Variants in ADAP2 observed in about 807,000 individuals in gnomAD.
ADAP2 encodes the protein ArfGAP with dual PH domains 2.
Under a neutral mutation model 54.9 loss-of-function variants are expected in ADAP2, and 42 were observed. That is an observed-to-expected ratio of 0.77 (90% CI 0.60 to 0.99). The LOEUF (loss-of-function observed/expected upper bound fraction) is 0.99. Among genes scored for constraint, ADAP2 ranks in the 50% least tolerant of loss-of-function variants. ADAP2 has a pLI of 0.00. For missense variants in ADAP2, 429 were observed against 480.4 expected (o/e 0.89, Z 1.00); for synonymous variants, 177 against 180.1 (o/e 0.98, Z 0.14).
intron 6 of ADAP2, among the ~76,000 whole-genome samples, chr17:30,947,942 C>G (rs1389238357): frequency 1.3e-5 from 2 of 152,152 alleles, no homozygotes; most frequent in African/African-American, 4.8e-5. Flanking sequence ...GGCAGGATCA[C>G]AGCAGTAAAT....
rs1905263064 is a variant in ADAP2 at position 30,958,923 on chromosome 17, T to C, written c.*1054T>C. 1 of 152,086 alleles carries C rather than the reference T, an allele frequency of 6.6e-6. No homozygotes were observed. The highest frequency in any genetic ancestry group is 6.6e-5 in the Admixed American group (1 of 15,254). The allele number at this position is 152,086 out of a possible 1,614,324, so 9.4% of individuals were successfully genotyped here. A position where few individuals can be genotyped will look rare whatever the true frequency, so the allele number is the denominator to read the frequency against. On this transcript the variant is annotated 3_prime_UTR_variant, in exon 11 of 11. Coordinates refer to ENST00000330889, the MANE Select transcript of ADAP2 (RefSeq NM_018404.3). ...AAAATCTATGCATTGTATGGGACTT[T>C]CCTTTGGATCCCCCAATCAAAGGAT...
Position 30,926,722 on chromosome 17 carries a change from T to C in ADAP2, c.226-105T>C. 4.1e-6 allele frequency: 4 copies of C among 977,386 alleles called. No individual in the cohort carries two copies. In the South Asian group the frequency reaches 5.6e-5, roughly 14 times the overall value. The allele number at this position is 977,386 out of a possible 1,614,324, so 60.5% of individuals were successfully genotyped here. On this transcript the variant is annotated intron_variant, in intron 2 of 10. Transcript: ENST00000330889. ...GACCAAGCCCGGTGGGACATCTCCT[T>C]CTTGGAGGCAGTTTCTTCTGACTCA...
chr17:30,948,020 C>A (rs1034902608), intron 6 of ADAP2, among the ~76,000 whole-genome samples: 4 of 152,130 alleles, frequency 2.6e-5, no homozygotes, highest in Admixed American at 6.6e-5. Flanking sequence ...TTGGGCTGAG[C>A]AAGCACCAAA....
chr17:30,929,113 C>T (rs531939799), intron 3 of ADAP2, among the ~76,000 whole-genome samples: 18 of 152,146 alleles, frequency 1.2e-4, no homozygotes, highest in Non-Finnish European at 2.6e-4. Flanking sequence ...ACTTGGAAGA[C>T]CTCAGTTTTG....
chr17:30,942,411 G>A (rs565524928), intron 5 of ADAP2, among the ~76,000 whole-genome samples: 93 of 152,260 alleles, frequency 6.1e-4, no homozygotes, highest in African/African-American at 2.2e-3. Flanking sequence ...AATCACTGTT[G>A]AGCCATTCAG....
rs764999299 is a variant in ADAP2, at chr17:30,931,855, CA to C, written c.318-31del. On this transcript the variant is annotated intron_variant, in intron 3 of 10. Coordinates refer to ENST00000330889, the MANE Select transcript of ADAP2 (RefSeq NM_018404.3). ...AAAAAAAAAAAAAAAGAGAATGCAT[CA>C]AACGCAGCTGACCTCAGGCTCTCTC... is the stretch of plus-strand genomic sequence containing the variant. 3 of 1,446,034 alleles carry C rather than the reference CA, an allele frequency of 2.1e-6. No homozygotes were observed. The East Asian group carries it at 6.9e-5, about 33-fold the overall frequency. 89.6% of individuals were successfully genotyped at this position (1,446,034 alleles called of 1,614,324 possible).
In ADAP2 at chr17:30,959,206, C is replaced by T. The variant is rs1179834598; in HGVS notation, c.*1337C>T. 1 of 152,030 alleles carries T rather than the reference C, an allele frequency of 6.6e-6. No individual in the cohort carries two copies. Among genetic ancestry groups the T allele is most frequent in the Non-Finnish European group, 1.5e-5 (1 of 68,036 alleles). 9.4% of individuals were successfully genotyped at this position (152,030 alleles called of 1,614,324 possible). ...GTCTTGCCTTCAAGGAACTTATGGT[C>T]TAGAGGAGAAGAACGAGAAGTATAG... On this transcript the variant is annotated 3_prime_UTR_variant, in exon 11 of 11. Coordinates refer to ENST00000330889, the MANE Select transcript of ADAP2 (RefSeq NM_018404.3).
chr17:30,942,473 A>G (rs141036866), intron 5 of ADAP2, among the ~76,000 whole-genome samples: 1 of 152,324 alleles, frequency 6.6e-6, no homozygotes, highest in Non-Finnish European at 1.5e-5. Flanking sequence ...ACTGTGATCC[A>G]GCAATTCCAT....
At chr17:30,937,760 G>A (rs1911993587) in intron 5 of ADAP2, among the ~76,000 whole-genome samples, 2 of 152,198 alleles carry the variant, frequency 1.3e-5, no homozygotes, top group South Asian at 4.1e-4. Flanking sequence ...AGGAATCAAG[G>A]ATGATTCCCA....
At position 30,922,839 on chromosome 17, in the gene ADAP2, G is replaced by A. The variant is rs1056533588; in HGVS notation, c.95-101G>A. On this transcript the variant is annotated intron_variant, in intron 1 of 10. Coordinates refer to ENST00000330889, the MANE Select transcript of ADAP2 (RefSeq NM_018404.3). The stretch of plus-strand genomic sequence containing the variant: ...AGGCTGGCCGCTTAGTTCGCCTTAG[G>A]TGGGAGAAGGGGCGCCCCACCTGCC... 3 of 1,378,312 alleles carry A rather than the reference G, an allele frequency of 2.2e-6. No individual in the cohort carries two copies. In the Admixed American group the frequency reaches 6.1e-5, roughly 28 times the overall value. 85.4% of individuals were successfully genotyped at this position (1,378,312 alleles called of 1,614,324 possible). A position where few individuals can be genotyped will look rare whatever the true frequency, so the allele number is the denominator to read the frequency against.
rs948160787 is a variant in ADAP2, at chr17:30,923,127, G to A, written c.225+57G>A. The A allele has an allele frequency of 1.1e-5, 17 of 1,596,388 alleles. No individual in the cohort carries two copies. In the African/African-American group the frequency reaches 2.1e-4, roughly 20 times the overall value. ...ACTGCGGGACTGGAGTAGAGGCAGC[G>A]GGCAGGGGGCTCCCATTCTACAGAG... On this transcript the variant is annotated intron_variant, in intron 2 of 10. Transcript: ENST00000330889.
At chr17:30,947,648 T>G (rs1346638508) in intron 6 of ADAP2, among the ~76,000 whole-genome samples, 1 of 152,162 alleles carries the variant, frequency 6.6e-6, no homozygotes, top group Admixed American at 6.6e-5. Context: ...CCACTGCACC[T>G]GGCCAGAGGG....
At chr17:30,932,323 C>T (rs1045501449) in intron 4 of ADAP2, among the ~76,000 whole-genome samples, 7 of 151,230 alleles carry the variant, frequency 4.6e-5, no homozygotes, top group Non-Finnish European at 1.0e-4. Context: ...GCTTCAATCT[C>T]CCGGGCTCAC....
At chr17:30,929,362 G>A (rs1911310455) in intron 3 of ADAP2, among the ~76,000 whole-genome samples, 1 of 152,174 alleles carries the variant, frequency 6.6e-6, no homozygotes, top group South Asian at 2.1e-4. Context: ...TGTGGGGTGT[G>A]CTGACTCGAG....
intron 5 of ADAP2, among the ~76,000 whole-genome samples, chr17:30,941,657 A>G (rs1912281047): frequency 6.6e-6 from 1 of 152,154 alleles, no homozygotes; most frequent in Non-Finnish European, 1.5e-5. Context: ...TTTTCATACT[A>G]TGTGTTTTCC....
At chr17:30,937,654 G>A (rs182796150) in intron 5 of ADAP2, among the ~76,000 whole-genome samples, 38 of 152,300 alleles carry the variant, frequency 2.5e-4, no homozygotes, top group Non-Finnish European at 1.8e-4. Flanking sequence ...TGGTGGATCC[G>A]ACCAGGATGG....
chr17:30,956,387 C>A lies in ADAP2; in HGVS notation c.1029C>A (p.Cys343Ter). The change falls in exon 10 of 11, where the codon TGC becomes TGA. Residue 343 changes from cysteine (C) to a stop codon, truncating the protein, a stop_gained. Coordinates refer to ENST00000330889, the MANE Select transcript of ADAP2 (RefSeq NM_018404.3). LOFTEE classifies it high-confidence loss of function. ...VTPERRFVLT[C>*]PSEKEQQEWL... ...CAGAGCGGAGATTTGTCCTCACTTG[C>A]CCCAGTGAGAAGGAACAGCAGGAAT... is the stretch of plus-strand genomic sequence containing the variant. 1.2e-6 allele frequency: 2 copies of A among 1,614,196 alleles called. No homozygotes were observed. The highest frequency in any genetic ancestry group is 1.7e-6 in the Non-Finnish European group (2 of 1,180,032).
At chr17:30,945,902 C>T (rs1912635002) in intron 6 of ADAP2, among the ~76,000 whole-genome samples, 3 of 151,092 alleles carry the variant, frequency 2.0e-5, no homozygotes, top group Admixed American at 2.0e-4. Flanking sequence ...GCCTGTAATC[C>T]CAGCACTTTG....
At position 30,957,650 on chromosome 17, in the gene ADAP2, C is replaced by T. The variant is rs549959235; in HGVS notation, c.1112-185C>T. On this transcript the variant is annotated intron_variant, in intron 10 of 10. Transcript: ENST00000330889. ...TTCACCATGTTGCTCAGGCTGGTCT[C>T]GAACTCCTGAGCTCAAGTGATCCAC... is the stretch of plus-strand genomic sequence containing the variant. Among the ~76,000 whole-genome samples the T allele has an allele frequency of 6.6e-5, 10 of 152,128 alleles. No individual in the cohort carries two copies. The South Asian group carries it at 1.4e-3, about 22-fold the overall frequency.
Sources: allele counts gnomAD v4.1 joint callset (sites outside exome capture counted in the v4.1 genomes callset), GRCh38; gene constraint gnomAD v4.1.1; transcripts MANE v1.5; gene names NCBI Gene and HGNC (gene_info 2026-07-23, HGNC 2026-07-21).